SLC25A21: variants seen among roughly 807,000 people sequenced by gnomAD.
The protein encoded by SLC25A21 is mitochondrial 2-oxodicarboxylate carrier.
SLC25A21 carries 47 observed loss-of-function variants against 43.8 expected under a neutral mutation model. That is an observed-to-expected ratio of 1.07 (90% CI 0.85 to 1.37). SLC25A21 has a LOEUF of 1.37. Ranked by LOEUF, SLC25A21 falls within the 40% of genes most tolerant of loss-of-function variation. SLC25A21 has a pLI of 0.00. For missense variants in SLC25A21, 352 were observed against 350.2 expected, an observed-to-expected ratio of 1.00 and a Z score of -0.04; for synonymous variants, 131 against 121.3, an observed-to-expected ratio of 1.08 and a Z score of -0.52.
intron 3 of SLC25A21, among the ~76,000 whole-genome samples, chr14:36,802,058 T>A (rs1026189316): frequency 1.5e-4 from 23 of 152,190 alleles, no homozygotes; most frequent in African/African-American, 5.5e-4. Flanking sequence ...TGAAAATTAT[T>A]CTATTGTATT....
intron 2 of SLC25A21, among the ~76,000 whole-genome samples, chr14:36,829,126 G>A (rs1222872493): frequency 1.3e-5 from 2 of 151,986 alleles, no homozygotes; most frequent in Admixed American, 6.6e-5. Flanking sequence ...TTGAACTCCC[G>A]AACTCAAGTG....
At chr14:37,052,169 A>G (rs1961722219) in intron 1 of SLC25A21, among the ~76,000 whole-genome samples, 1 of 152,244 alleles carries the variant, frequency 6.6e-6, no homozygotes, top group South Asian at 2.1e-4. Flanking sequence ...AGCGGAATTC[A>G]CAGCATTAAA....
chr14:36,690,000 C>T (rs949487946), intron 7 of SLC25A21, among the ~76,000 whole-genome samples: 7 of 152,136 alleles, frequency 4.6e-5, no homozygotes, highest in African/African-American at 1.7e-4. Flanking sequence ...CAAGGCTACA[C>T]AACTGAAGGC....
At chr14:36,715,746 T>C (rs536742891) in intron 6 of SLC25A21, among the ~76,000 whole-genome samples, 3 of 152,348 alleles carry the variant, frequency 2.0e-5, no homozygotes, top group Admixed American at 1.3e-4. Flanking sequence ...ATAATGGTTA[T>C]GGGAAATGGA....
At chr14:37,003,155 T>G (rs1236144859) in intron 1 of SLC25A21, among the ~76,000 whole-genome samples, 1 of 152,322 alleles carries the variant, frequency 6.6e-6, no homozygotes, top group African/African-American at 2.4e-5. Flanking sequence ...GTTTAATTTA[T>G]AAATTAGGCA....
At chr14:37,062,655 G>A (rs998371633) in intron 1 of SLC25A21, among the ~76,000 whole-genome samples, 8 of 152,120 alleles carry the variant, frequency 5.3e-5, no homozygotes, top group African/African-American at 1.9e-4. Flanking sequence ...TCAACAGCTT[G>A]TCAGGGTGAA....
chr14:37,098,093 G>T (rs1273089358), intron 1 of SLC25A21: 1 of 152,160 alleles, frequency 6.6e-6, no homozygotes, highest in African/African-American at 2.4e-5. Context: ...TTCAGGAAGT[G>T]TATACCAAAA....
chr14:36,931,056 G>A (rs529084109), intron 1 of SLC25A21, among the ~76,000 whole-genome samples: 12 of 152,038 alleles, frequency 7.9e-5, no homozygotes, highest in East Asian at 7.7e-4. Flanking sequence ...CCACAGACTC[G>A]GGTTCTTTTT....
chr14:36,826,957 A>G (rs980303152), intron 2 of SLC25A21, among the ~76,000 whole-genome samples: 20 of 152,218 alleles, frequency 1.3e-4, no homozygotes, highest in African/African-American at 4.8e-4. Flanking sequence ...AAGCCAAACA[A>G]GATCTAATCA....
intron 1 of SLC25A21, among the ~76,000 whole-genome samples, chr14:36,886,474 T>G (rs1426952123): frequency 6.6e-6 from 1 of 152,240 alleles, no homozygotes; most frequent in East Asian, 1.9e-4. Context: ...GCTGTTAGCA[T>G]GTGTCTATAG....
intron 1 of SLC25A21, among the ~76,000 whole-genome samples, chr14:37,164,351 G>T (rs532713228): frequency 6.6e-6 from 1 of 152,192 alleles, no homozygotes; most frequent in Non-Finnish European, 1.5e-5. Flanking sequence ...TGAAATAAGG[G>T]TTATTTTTTT....
At chr14:36,695,708 T>C (rs923297819) in intron 7 of SLC25A21, among the ~76,000 whole-genome samples, 15 of 152,228 alleles carry the variant, frequency 9.9e-5, no homozygotes, top group Non-Finnish European at 2.2e-4. Context: ...TTTGGCTCTC[T>C]GTCTGTTAAT....
chr14:36,762,404 A>G (rs1237954529), intron 3 of SLC25A21, among the ~76,000 whole-genome samples: 1 of 152,194 alleles, frequency 6.6e-6, no homozygotes, highest in African/African-American at 2.4e-5. Flanking sequence ...CCTTCCACTG[A>G]CACTCCTTTC....
intron 2 of SLC25A21, among the ~76,000 whole-genome samples, chr14:36,858,550 G>A (rs985866213): frequency 6.6e-6 from 1 of 152,062 alleles, no homozygotes; most frequent in Non-Finnish European, 1.5e-5. Flanking sequence ...TGTGTGATGA[G>A]AGCAAAATAT....
chr14:37,163,770 T>C (rs973057886), intron 1 of SLC25A21, among the ~76,000 whole-genome samples: 1 of 152,154 alleles, frequency 6.6e-6, no homozygotes. Flanking sequence ...CAATGTTTGA[T>C]AGCAGAGTAG....
At chr14:36,952,555 T>A (rs1018663228) in intron 1 of SLC25A21, among the ~76,000 whole-genome samples, 6 of 151,966 alleles carry the variant, frequency 3.9e-5, no homozygotes, top group Admixed American at 6.6e-5. Context: ...AATGTAGGAG[T>A]CTCATCCTGA....
At chr14:36,939,949 G>C (rs7161632) in intron 1 of SLC25A21, among the ~76,000 whole-genome samples, 10,460 of 152,128 alleles carry the variant, frequency 0.069, 514 homozygotes, top group Middle Eastern at 0.16. Context: ...TCTCCTCCAC[G>C]TCATATTTGC....
At chr14:37,103,990 T>C (rs1195647683) in intron 1 of SLC25A21, among the ~76,000 whole-genome samples, 1 of 152,162 alleles carries the variant, frequency 6.6e-6, no homozygotes, top group Non-Finnish European at 1.5e-5. Context: ...GAAGGACCAT[T>C]TCTGTGCTTC....
intron 1 of SLC25A21, among the ~76,000 whole-genome samples, chr14:37,117,715 T>G (rs1963130435): frequency 6.6e-6 from 1 of 152,142 alleles, no homozygotes; most frequent in Non-Finnish European, 1.5e-5. Flanking sequence ...CTCCTTCAAA[T>G]AGTGGGGTTA....
Sources: gnomAD v4.1 joint callset for allele counts (sites outside exome capture counted in the v4.1 genomes callset) on GRCh38, gnomAD v4.1.1 for gene constraint, MANE v1.5 for transcripts, NCBI Gene and HGNC (gene_info 2026-07-23, HGNC 2026-07-21) for gene names.